Variants in ERC1 observed in about 807,000 individuals in gnomAD.
ERC1 encodes RAB6 interacting protein 2.
Under a neutral mutation model 132.0 loss-of-function variants are expected in ERC1, and 56 were observed. The ratio of observed to expected loss-of-function variants is 0.42; its 90% CI spans 0.34 to 0.53. The LOEUF is 0.53. Among genes scored for constraint, ERC1 ranks in the 20% least tolerant of loss-of-function variants. The pLI, the probability that ERC1 is intolerant of heterozygous loss-of-function variation, is 0.03. For synonymous variants in ERC1, 478 were observed against 476.1 expected (o/e 1.00, Z -0.05); for missense variants, 1,202 against 1,349.9 (o/e 0.89, Z 1.72).
At chr12:1,106,014 A>G (rs1945220549) in intron 4 of ERC1, among the ~76,000 whole-genome samples, 1 of 152,198 alleles carries the variant, frequency 6.6e-6, no homozygotes, top group Admixed American at 6.5e-5. Flanking sequence ...GTTAATGAAT[A>G]TTTAGAAATC....
intron 18 of ERC1, among the ~76,000 whole-genome samples, chr12:1,449,396 A>G (rs1398529730): frequency 6.6e-6 from 1 of 152,136 alleles, no homozygotes; most frequent in African/African-American, 2.4e-5. Context: ...TGTAGTTCCC[A>G]TCATCCCCAC....
At position 1,305,690 on chromosome 12, in the gene ERC1, CACAAGT is replaced by C. The variant is rs1359766444; in HGVS notation, c.2780+15685_2780+15690del. 5.3e-5 allele frequency among the ~76,000 whole-genome samples: 8 copies of C among 152,168 alleles called. No homozygotes were observed. In the East Asian group the frequency reaches 1.2e-3, roughly 22 times the overall value. The stretch of plus-strand genomic sequence containing the variant: ...TGTTGGGTTCCTTCACAATATTTAT[CACAAGT>C]ACAAGTTCCAATTTAAGCTAATTTA... On this transcript the variant is annotated intron_variant, in intron 15 of 18. Transcript: ENST00000360905.
chr12:1,274,488 A>AT, intron 14 of ERC1, among the ~76,000 whole-genome samples: 2 of 148,940 alleles, frequency 1.3e-5, no homozygotes, highest in African/African-American at 5.1e-5. Context: ...TATTTTATTT[A>AT]TTTATTTATT....
At chr12:1,142,954 A>G (rs1339671726) in intron 8 of ERC1, among the ~76,000 whole-genome samples, 2 of 152,218 alleles carry the variant, frequency 1.3e-5, no homozygotes, top group Admixed American at 1.3e-4. Context: ...ACTGGAGTGC[A>G]GAGGCACGAT....
At chr12:1,022,869 T>C (rs1239671559) in intron 1 of ERC1, among the ~76,000 whole-genome samples, 1 of 152,076 alleles carries the variant, frequency 6.6e-6, no homozygotes, top group African/African-American at 2.4e-5. Flanking sequence ...CCACTGACCT[T>C]GGCCTCCCAA....
At chr12:1,047,494 C>T (rs974327050) in intron 2 of ERC1, among the ~76,000 whole-genome samples, 22 of 151,904 alleles carry the variant, frequency 1.4e-4, no homozygotes, top group African/African-American at 4.8e-4. Context: ...TCACTATTTT[C>T]GTTTTAGAGA....
At chr12:1,312,979 A>G (rs2081416803) in intron 15 of ERC1, among the ~76,000 whole-genome samples, 1 of 152,102 alleles carries the variant, frequency 6.6e-6, no homozygotes, top group Non-Finnish European at 1.5e-5. Flanking sequence ...TTCATTTTTA[A>G]TGAACATCCA....
At chr12:1,406,753 G>C (rs1466719002) in intron 16 of ERC1, among the ~76,000 whole-genome samples, 2 of 152,058 alleles carry the variant, frequency 1.3e-5, no homozygotes, top group Admixed American at 6.5e-5. Context: ...CCTACCTATA[G>C]TCCCAGCTAC....
At chr12:1,129,278 G>A (rs1948513271) in intron 7 of ERC1, among the ~76,000 whole-genome samples, 1 of 152,062 alleles carries the variant, frequency 6.6e-6, no homozygotes, top group African/African-American at 2.4e-5. Context: ...TTTGAGACCA[G>A]CCGGGGCAAC....
intron 16 of ERC1, among the ~76,000 whole-genome samples, chr12:1,399,090 C>A (rs1475870101): frequency 6.6e-6 from 1 of 151,440 alleles, no homozygotes; most frequent in Admixed American, 6.6e-5. Context: ...GGACTACACA[C>A]AGGCATGTGA....
intron 15 of ERC1, among the ~76,000 whole-genome samples, chr12:1,342,646 A>G (rs2084033131): frequency 6.6e-6 from 1 of 152,302 alleles, no homozygotes; most frequent in Non-Finnish European, 1.5e-5. Context: ...CTCTTAAAGG[A>G]TAAATCAGAG....
At chr12:1,425,894 G>T (rs1249952423) in intron 17 of ERC1, among the ~76,000 whole-genome samples, 2 of 152,096 alleles carry the variant, frequency 1.3e-5, no homozygotes, top group Non-Finnish European at 2.9e-5. Context: ...TAACCTCTTG[G>T]TACCTCAGTT....
intron 1 of ERC1, among the ~76,000 whole-genome samples, chr12:1,001,736 TA>T (rs1485348176): frequency 6.6e-6 from 1 of 152,210 alleles, no homozygotes; most frequent in African/African-American, 2.4e-5. Context: ...TTTTCATTGC[TA>T]AATAGTATTC....
At chr12:1,489,408 G>A (rs1273410394) in intron 18 of ERC1, among the ~76,000 whole-genome samples, 2 of 152,166 alleles carry the variant, frequency 1.3e-5, no homozygotes, top group Admixed American at 6.5e-5. Flanking sequence ...CTGGGTGGTC[G>A]TTTATCTGTT....
intron 17 of ERC1, among the ~76,000 whole-genome samples, chr12:1,424,855 TA>T (rs1253370971): frequency 3.2e-4 from 40 of 124,662 alleles, no homozygotes; most frequent in African/African-American, 6.6e-4. Context: ...GATAGATAGA[TA>T]GATAGATCGA....
chr12:1,159,910 T>G (rs2968882), intron 8 of ERC1, among the ~76,000 whole-genome samples: 71,124 of 152,008 alleles, frequency 0.47, 19,742 homozygotes, highest in African/African-American at 0.78. Context: ...TGTTCTTGTT[T>G]AACGATGTAA....
chr12:1,213,393 G>A (rs1173722639), intron 12 of ERC1, among the ~76,000 whole-genome samples: 3 of 152,164 alleles, frequency 2.0e-5, no homozygotes, highest in East Asian at 1.9e-4. Flanking sequence ...CTTTGAAAAG[G>A]AAGAGTGCGT....
chr12:1,378,669 A>G (rs1248214711), intron 16 of ERC1, among the ~76,000 whole-genome samples: 1 of 152,092 alleles, frequency 6.6e-6, no homozygotes, highest in Non-Finnish European at 1.5e-5. Context: ...CCAGAGAGAC[A>G]TGTGTCTAGT....
chr12:1,396,226 T>C (rs1487668126), intron 16 of ERC1, among the ~76,000 whole-genome samples: 2 of 152,246 alleles, frequency 1.3e-5, no homozygotes, highest in Non-Finnish European at 2.9e-5. Flanking sequence ...TTGGTAACTA[T>C]ATATCTATTT....
Sources: gnomAD v4.1 joint callset for allele counts (sites outside exome capture counted in the v4.1 genomes callset) on GRCh38, gnomAD v4.1.1 for gene constraint, MANE v1.5 for transcripts, NCBI Gene and HGNC (gene_info 2026-07-23, HGNC 2026-07-21) for gene names.